PPP4R4: variants seen among roughly 807,000 people sequenced by gnomAD.
PPP4R4 encodes the protein protein phosphatase 4 regulatory subunit 4, also known as serine/threonine-protein phosphatase 4 regulatory subunit 4.
A neutral mutation model predicts 121.8 loss-of-function variants in PPP4R4; 70 were observed. That is an observed-to-expected ratio of 0.57 (90% CI 0.47 to 0.70). The LOEUF (loss-of-function observed/expected upper bound fraction) is 0.70. Among genes scored for constraint, PPP4R4 ranks in the 30% least tolerant of loss-of-function variants. The pLI, the probability that PPP4R4 is intolerant of heterozygous loss-of-function variation, is 0.00. For missense variants in PPP4R4, 875 were observed against 1,033.6 expected, an observed-to-expected ratio of 0.85 and a Z score of 2.10; for synonymous variants, 348 against 355.7, an observed-to-expected ratio of 0.98 and a Z score of 0.24.
chr14:94,276,041 G>T (rs910444487), intron 24 of PPP4R4, among the ~76,000 whole-genome samples: 3 of 148,614 alleles, frequency 2.0e-5, no homozygotes, highest in Non-Finnish European at 4.4e-5. Flanking sequence ...TCCTTTTAAT[G>T]TGCTGTTTGT....
chr14:94,233,814 T>G, intron 6 of PPP4R4, 55 bp downstream of exon 6: 1 of 1,091,968 alleles, frequency 9.2e-7, no homozygotes, highest in Non-Finnish European at 1.4e-6. Flanking sequence ...TTAAAATGTA[T>G]AATGACTGTG....
intron 23 of PPP4R4, among the ~76,000 whole-genome samples, chr14:94,274,475 CA>C (rs1450748254): frequency 6.6e-6 from 1 of 152,060 alleles, no homozygotes; most frequent in African/African-American, 2.4e-5. Context: ...AAGGTTTGAA[CA>C]TGAACTTCAC....
chr14:94,208,273 G>T (rs1361137913), intron 2 of PPP4R4, among the ~76,000 whole-genome samples, 191 bp from the exon 3 acceptor site: 1 of 151,898 alleles, frequency 6.6e-6, no homozygotes, highest in Non-Finnish European at 1.5e-5. Flanking sequence ...TTTGTTATAA[G>T]ATTTGCTTAA....
intron 5 of PPP4R4, among the ~76,000 whole-genome samples, chr14:94,232,690 T>C (rs1892107259): frequency 6.6e-6 from 1 of 152,202 alleles, no homozygotes; most frequent in Non-Finnish European, 1.5e-5. Flanking sequence ...CATAGAATTT[T>C]AGAAATTAAA....
intron 15 of PPP4R4, among the ~76,000 whole-genome samples, chr14:94,251,358 A>G (rs1416225730): frequency 6.6e-6 from 1 of 151,980 alleles, no homozygotes; most frequent in African/African-American, 2.4e-5. Context: ...GTGACTTTAA[A>G]CTCACTAAAT....
intron 3 of PPP4R4, among the ~76,000 whole-genome samples, chr14:94,210,278 T>C (rs898434979): frequency 2.0e-5 from 3 of 151,718 alleles, no homozygotes; most frequent in Non-Finnish European, 4.4e-5. Flanking sequence ...TAAAGAATAT[T>C]ATACACTCAT....
Position 94,256,495 on chromosome 14 carries a change from C to T in PPP4R4, c.1901C>T (p.Ser634Phe). The T allele has an allele frequency of 6.2e-7, 1 of 1,602,810 alleles. No homozygotes were observed. The highest frequency in any genetic ancestry group is 2.2e-5 in the East Asian group (1 of 44,632). Reference sequence around the variant, plus strand: ...TGCTACCTGTTGCCCAAAGTGAAATCTACTCTGAAGATTCCTGCTGATAAG... The same window carrying T: ...TGCTACCTGTTGCCCAAAGTGAAATTTACTCTGAAGATTCCTGCTGATAAG... The part of the protein sequence containing the change: ...KLCYLLPKVK[S>F]TLKIPADKHL... The change falls in exon 17 of 25, where the codon TCT becomes TTT. Residue 634 changes from serine (S) to phenylalanine (F), a missense_variant. Transcript: ENST00000304338.
rs999311231 is a variant in PPP4R4, at chr14:94,245,604, A to G, written c.1362A>G (p.Ile454Met). The G allele has an allele frequency of 1.3e-5, 20 of 1,590,662 alleles. No homozygotes were observed. Among genetic ancestry groups the G allele is most frequent in the Non-Finnish European group, 1.7e-5 (20 of 1,160,932 alleles). Residue 454 changes from isoleucine to methionine, a missense_variant, in exon 13 of 25, where the codon ATA becomes ATG. By Grantham distance (10) the Ile-to-Met change is conservative (BLOSUM62 1). Coordinates refer to ENST00000304338, the MANE Select transcript of PPP4R4 (RefSeq NM_058237.2). ...DESLEVLDAL[I>M]DHLPEILELM... Reference sequence around the variant, plus strand: ...GTTAAAAGGTACTAGATGCTCTTATAGATCATCTTCCAGAAATCTTGGAAC... The same window carrying G: ...GTTAAAAGGTACTAGATGCTCTTATGGATCATCTTCCAGAAATCTTGGAAC...
At chr14:94,275,822 G>T (rs1301969843) in intron 24 of PPP4R4, among the ~76,000 whole-genome samples, 4 of 152,076 alleles carry the variant, frequency 2.6e-5, no homozygotes, top group Admixed American at 6.5e-5. Context: ...TTATCTCTAA[G>T]AAGGCATCCC....
chr14:94,228,707 C>T (rs895350918), intron 3 of PPP4R4, among the ~76,000 whole-genome samples: 4 of 152,068 alleles, frequency 2.6e-5, no homozygotes, highest in Non-Finnish European at 5.9e-5. Context: ...GAGCAGAAAG[C>T]GTAGGTGAGA....
At chr14:94,224,192 A>G (rs1034726257) in intron 3 of PPP4R4, among the ~76,000 whole-genome samples, 3 of 152,234 alleles carry the variant, frequency 2.0e-5, no homozygotes, top group African/African-American at 7.2e-5. Context: ...TGCCTAGAGC[A>G]TAAAGCAAAA....
chr14:94,277,557 C>A (rs1034942471), intron 24 of PPP4R4, among the ~76,000 whole-genome samples: 6 of 152,206 alleles, frequency 3.9e-5, no homozygotes, highest in African/African-American at 1.4e-4. Context: ...TGAAATTCTT[C>A]TGTTGAAGAG....
chr14:94,214,053 A>T (rs1229803759), intron 3 of PPP4R4, among the ~76,000 whole-genome samples: 1 of 152,100 alleles, frequency 6.6e-6, no homozygotes, highest in Non-Finnish European at 1.5e-5. Flanking sequence ...CTAGTTTCTC[A>T]CTATACCCCC....
At chr14:94,209,267 A>C (rs1436149613) in intron 3 of PPP4R4, among the ~76,000 whole-genome samples, 2 of 152,062 alleles carry the variant, frequency 1.3e-5, no homozygotes, top group Non-Finnish European at 2.9e-5. Flanking sequence ...TTACCTACTA[A>C]TGGGGTCAGT....
chr14:94,192,124 G>A (rs1054572811), intron 2 of PPP4R4, among the ~76,000 whole-genome samples: 13 of 151,894 alleles, frequency 8.6e-5, no homozygotes, highest in African/African-American at 3.1e-4. Flanking sequence ...CTCTTTCTTT[G>A]GTCCTACTAA....
At chr14:94,215,485 A>G (rs1890973883) in intron 3 of PPP4R4, among the ~76,000 whole-genome samples, 1 of 152,204 alleles carries the variant, frequency 6.6e-6, no homozygotes, top group Admixed American at 6.5e-5. Context: ...CCAGACCCTT[A>G]CAGATCATAA....
chr14:94,200,013 C>A (rs1280828267), intron 2 of PPP4R4, among the ~76,000 whole-genome samples: 1 of 152,130 alleles, frequency 6.6e-6, no homozygotes, highest in Non-Finnish European at 1.5e-5. Flanking sequence ...TCCGTGGGCA[C>A]AGGCCCAGGG....
At position 94,265,575 on chromosome 14, in the gene PPP4R4, A is replaced by G. The variant is rs1389889970; in HGVS notation, c.2284+102A>G. ...TAGATGAGATACAGTAGGATAATAT[A>G]TCTCATTCTAAAGCACTTTTCACCT... On this transcript the variant is annotated intron_variant, in intron 21 of 24. Transcript: ENST00000304338. 2.2e-5 allele frequency: 23 copies of G among 1,044,736 alleles called. No homozygotes were observed. In the East Asian group the frequency reaches 5.1e-4, roughly 23 times the overall value. The allele number at this position is 1,044,736 out of a possible 1,614,324, so 64.7% of individuals were successfully genotyped here. A position where few individuals can be genotyped will look rare whatever the true frequency, so the allele number is the denominator to read the frequency against.
At position 94,275,475 on chromosome 14, in the gene PPP4R4, C is replaced by T; in HGVS notation, c.2551C>T (p.Pro851Ser). Residue 851 changes from proline (P) to serine (S), a missense_variant, in exon 24 of 25, where the codon CCC (proline) becomes TCC (serine). Pro to Ser is a moderately conservative substitution (Grantham distance 74, BLOSUM62 -1). Transcript: ENST00000304338. ...TSRGTGNSVD[P>S]KSSGSKDTQP... is the part of the protein sequence containing the mutation. ...CCGTGGGACAGGTAACTCAGTTGAC[C>T]CCAAGAGCAGTGGAAGTAAAGATAC... is the stretch of plus-strand genomic sequence containing the variant. 6.2e-7 allele frequency: 1 copy of T among 1,613,984 alleles called. No homozygotes were observed. The highest frequency in any genetic ancestry group is 1.1e-5 in the South Asian group (1 of 91,070).
Sources: allele counts gnomAD v4.1 joint callset (sites outside exome capture counted in the v4.1 genomes callset), GRCh38; gene constraint gnomAD v4.1.1; transcripts MANE v1.5; gene names NCBI Gene and HGNC (gene_info 2026-07-23, HGNC 2026-07-21).